Variants in ZSCAN2 observed in about 807,000 individuals in gnomAD.
The protein encoded by ZSCAN2 is zinc finger and SCAN domain containing 2.
In ZSCAN2, 26 loss-of-function variants were observed where a neutral mutation model predicts 47.8. The ratio of observed to expected loss-of-function variants is 0.54; its 90% CI spans 0.40 to 0.75. The LOEUF (loss-of-function observed/expected upper bound fraction) is 0.75. ZSCAN2 is among the 30% of genes least tolerant of loss of function. ZSCAN2 has a pLI of 0.00. For synonymous variants in ZSCAN2, 305 were observed against 288.7 expected (o/e 1.06, Z -0.57); for missense variants, 732 against 785.4 (o/e 0.93, Z 0.81).
intron 1 of ZSCAN2, 196 bp downstream of exon 1, chr15:84,601,331 C>T (rs1338310079): frequency 6.6e-6 from 1 of 152,228 alleles, no homozygotes; most frequent in African/African-American, 2.4e-5. Flanking sequence ...ACGCGTCTCC[C>T]TGGCGGAGAG....
chr15:84,601,225 G>C (rs1895191670), intron 1 of ZSCAN2, 90 bp downstream of exon 1: 1 of 152,406 alleles, frequency 6.6e-6, no homozygotes, highest in South Asian at 2.1e-4. Flanking sequence ...GCTGCCGGCA[G>C]CTCTGCTGGG....
At position 84,614,693 on chromosome 15, in the gene ZSCAN2, C is replaced by T. The variant is rs1419281898; in HGVS notation, c.407-5909C>T. The T allele has an allele frequency of 2.0e-5, 3 of 151,960 alleles. No homozygotes were observed. The East Asian group carries it at 5.8e-4, about 29-fold the overall frequency. 9.4% of individuals were successfully genotyped at this position (151,960 alleles called of 1,614,324 possible). A position where few individuals can be genotyped will look rare whatever the true frequency, so the allele number is the denominator to read the frequency against. ...GGAGTGCAGTGGCGCGATCTCAGCT[C>T]ACCACGACCTCCACCTCCTGGGTTC... On this transcript the variant is annotated intron_variant, in intron 2 of 2. Coordinates refer to ENST00000546148, the MANE Select transcript of ZSCAN2 (RefSeq NM_181877.4).
chr15:84,620,612 A>G lies in ZSCAN2; in HGVS notation c.417A>G (p.Ile139Met), dbSNP rs1895793344. The change falls in exon 3 of 3, where the codon ATA becomes ATG. Residue 139 changes from isoleucine (I) to methionine (M), a missense_variant. Ile to Met is a conservative substitution (Grantham distance 10). This residue lies in a region of ZSCAN2 where 320 missense variants were observed against 287.4 expected (regional missense o/e 1.11). Coordinates refer to ENST00000546148, the MANE Select transcript of ZSCAN2 (RefSeq NM_181877.4). Reference protein sequence around the residue: ...TQTLQDSDFEIQSENGENCNQ... With the variant: ...TQTLQDSDFEMQSENGENCNQ... ...TCTTCATTGTTTCAGATTTTGAGAT[A>G]CAGAGTGAAAATGGGGAGAACTGTA... 1 of 1,599,546 alleles carries G rather than the reference A, an allele frequency of 6.3e-7. No homozygotes were observed. The highest frequency in any genetic ancestry group is 8.6e-7 in the Non-Finnish European group (1 of 1,167,954).
chr15:84,603,910 A>G lies in ZSCAN2; in HGVS notation c.-18A>G. ...AGGTCCAAGGCTTGAAGCCTAAGTG[A>G]TTGCCCCAGGACTGTGGATGATGGC... On this transcript the variant is annotated 5_prime_UTR_variant, in exon 2 of 3. Coordinates refer to ENST00000546148, the MANE Select transcript of ZSCAN2 (RefSeq NM_181877.4). The G allele has an allele frequency of 1.2e-6, 2 of 1,600,760 alleles. No homozygotes were observed. The highest frequency in any genetic ancestry group is 1.7e-6 in the Non-Finnish European group (2 of 1,171,066).
intron 2 of ZSCAN2, 120 bp downstream of exon 2, chr15:84,604,453 C>T (rs1895314453): frequency 7.9e-7 from 1 of 1,269,476 alleles, no homozygotes. Flanking sequence ...CGCCATCCCT[C>T]TGCTCTGTCT....
chr15:84,604,820 C>T (rs1895331464), intron 2 of ZSCAN2, among the ~76,000 whole-genome samples: 1 of 150,896 alleles, frequency 6.6e-6, no homozygotes, highest in Non-Finnish European at 1.5e-5. Flanking sequence ...TCACTGCAAC[C>T]TCCGTCTTCT....
rs755062295 is a variant in ZSCAN2, at chr15:84,622,979, C to T, written c.*939C>T. 373 of 370,138 alleles carry T rather than the reference C, an allele frequency of 1.0e-3. 2 individuals are homozygous for T. The highest frequency in any genetic ancestry group is 7.4e-4 in the Non-Finnish European group (147 of 199,920). 22.9% of individuals were successfully genotyped at this position (370,138 alleles called of 1,614,324 possible). On this transcript the variant is annotated 3_prime_UTR_variant, in exon 3 of 3. Coordinates refer to ENST00000546148, the MANE Select transcript of ZSCAN2 (RefSeq NM_181877.4). ...CCTTTGGCCCAACAGGTACATAGCC[C>T]CATAATTTCTGAATTATTCTATGCA...
In ZSCAN2 at chr15:84,621,394, G is replaced by C; in HGVS notation, c.1199G>C (p.Ser400Thr). The C allele has an allele frequency of 1.2e-6, 2 of 1,614,166 alleles. No homozygotes were observed. Among genetic ancestry groups the C allele is most frequent in the Non-Finnish European group, 8.5e-7 (1 of 1,180,022 alleles). ...YKCTDCGQRFSQSSALITHRR... is the reference protein window; with the variant it reads ...YKCTDCGQRFTQSSALITHRR... ...TGTACCGACTGTGGGCAGAGGTTCAGCCAGAGTTCAGCCCTCATCACCCAC... is the reference window on the plus strand; with the variant it reads ...TGTACCGACTGTGGGCAGAGGTTCACCCAGAGTTCAGCCCTCATCACCCAC... Residue 400 changes from serine to threonine, a missense_variant, in exon 3 of 3, where the codon AGC (serine) becomes ACC (threonine). Coordinates refer to ENST00000546148, the MANE Select transcript of ZSCAN2 (RefSeq NM_181877.4). The surrounding 1 kb of genome is among the most constrained non-coding windows in gnomAD (Gnocchi z 5.7).
chr15:84,622,880 C>A lies in ZSCAN2; in HGVS notation c.*840C>A. The A allele has an allele frequency of 1.7e-6, 1 of 585,278 alleles. No homozygotes were observed. Among genetic ancestry groups the A allele is most frequent in the Non-Finnish European group, 3.1e-6 (1 of 322,306 alleles). The allele number at this position is 585,278 out of a possible 1,614,324, so 36.3% of individuals were successfully genotyped here. A position where few individuals can be genotyped will look rare whatever the true frequency, so the allele number is the denominator to read the frequency against. Reference sequence around the variant, plus strand: ...TAGTGAAGTCCGAGAGCCCTAGCTGCCAACCCATGGTGGATGGTAACTTCT... The same window carrying A: ...TAGTGAAGTCCGAGAGCCCTAGCTGACAACCCATGGTGGATGGTAACTTCT... On this transcript the variant is annotated 3_prime_UTR_variant, in exon 3 of 3. Transcript: ENST00000546148.
intron 1 of ZSCAN2, 70 bp from the exon 2 acceptor site, chr15:84,603,750 G>T: frequency 1.5e-6 from 1 of 683,320 alleles, no homozygotes; most frequent in Non-Finnish European, 2.4e-6. Context: ...GGTCTGACCT[G>T]GGCTTTTGTG....
intron 2 of ZSCAN2, among the ~76,000 whole-genome samples, chr15:84,619,927 G>GTTTT (rs1179673185): frequency 4.1e-5 from 3 of 72,882 alleles, no homozygotes; most frequent in Admixed American, 1.2e-4. Flanking sequence ...GCCTGGGTTG[G>GTTTT]TTTTTTTTTT....
Position 84,621,038 on chromosome 15 carries a change from AGACTGTGG to A in ZSCAN2, c.846_853del (p.Asp282GlufsTer4). 1 of 1,614,056 alleles carries A rather than the reference AGACTGTGG, an allele frequency of 6.2e-7. No homozygotes were observed. The highest frequency in any genetic ancestry group is 8.5e-7 in the Non-Finnish European group (1 of 1,179,980). ...CCGGGGAGAAGCCCTACAAATGCAG[AGACTGTGG>A]GAAGAGCTTTAGCCGGAGTGCCAAC... On this transcript the variant is annotated frameshift_variant, in exon 3 of 3. Coordinates refer to ENST00000546148, the MANE Select transcript of ZSCAN2 (RefSeq NM_181877.4). LOFTEE classifies it high-confidence loss of function. This position sits in a 1 kb window ranked among gnomAD's most constrained non-coding sequence, Gnocchi z 5.7.
intron 2 of ZSCAN2, among the ~76,000 whole-genome samples, chr15:84,616,996 C>G (rs1464572772): frequency 1.3e-5 from 2 of 152,084 alleles, no homozygotes; most frequent in Non-Finnish European, 2.9e-5. Flanking sequence ...GTGGCACATG[C>G]CTGTAATCCC....
intron 2 of ZSCAN2, among the ~76,000 whole-genome samples, chr15:84,619,340 G>A (rs1050238654): frequency 6.6e-6 from 1 of 151,884 alleles, no homozygotes; most frequent in African/African-American, 2.4e-5. Flanking sequence ...TGAGGCAAGA[G>A]AATGGCGTGA....
chr15:84,622,147 T>C lies in ZSCAN2; in HGVS notation c.*107T>C. On this transcript the variant is annotated 3_prime_UTR_variant, in exon 3 of 3. Transcript: ENST00000546148. ...TGTGCTTCCTAAACATTCTGGGGGG[T>C]TTTGCCAGAGTCTTCCCCTTGCTCA... The C allele has an allele frequency of 9.3e-7, 1 of 1,079,874 alleles. No homozygotes were observed. The highest frequency in any genetic ancestry group is 1.4e-6 in the Non-Finnish European group (1 of 739,848). 66.9% of individuals were successfully genotyped at this position (1,079,874 alleles called of 1,614,324 possible).
At chr15:84,611,329 A>C (rs370428866) in intron 2 of ZSCAN2, among the ~76,000 whole-genome samples, 1 of 152,032 alleles carries the variant, frequency 6.6e-6, no homozygotes, top group East Asian at 1.9e-4. Flanking sequence ...GGTGGCACAC[A>C]CCTATAGTCC....
At chr15:84,614,835 A>C (rs1008103540) in intron 2 of ZSCAN2, 1 of 151,776 alleles carries the variant, frequency 6.6e-6, no homozygotes, top group Non-Finnish European at 1.5e-5. Flanking sequence ...CTTGTAAGTG[A>C]TTTGATCCTT....
chr15:84,601,170 CCCCGGGCAGTAG>C (rs1895189711), intron 1 of ZSCAN2, 35 bp downstream of exon 1: 1 of 152,290 alleles, frequency 6.6e-6, no homozygotes, highest in South Asian at 2.1e-4. Flanking sequence ...GCCACGCGGA[CCCCGGGCAGTAG>C]CCCGAGGTGA....
At chr15:84,615,572 C>T (rs1373675481) in intron 2 of ZSCAN2, among the ~76,000 whole-genome samples, 4 of 152,222 alleles carry the variant, frequency 2.6e-5, no homozygotes, top group African/African-American at 9.6e-5. Flanking sequence ...TCAAGCAATC[C>T]ACCTGTCTTG....
Sources: gnomAD v4.1 joint callset for allele counts (sites outside exome capture counted in the v4.1 genomes callset) on GRCh38, gnomAD v4.1.1 for gene constraint, gnomAD v4.1.1 regional missense constraint, Gnocchi (gnomAD v3.1) non-coding constraint, MANE v1.5 for transcripts, NCBI Gene and HGNC (gene_info 2026-07-23, HGNC 2026-07-21) for gene names.